Variants in IGSF22 observed in about 807,000 individuals in gnomAD.
IGSF22 encodes immunoglobulin superfamily member 22.
Under a neutral mutation model 127.0 loss-of-function variants are expected in IGSF22, and 119 were observed. The ratio of observed to expected loss-of-function variants is 0.94; its 90% CI spans 0.81 to 1.09. The LOEUF (loss-of-function observed/expected upper bound fraction) is 1.09, where lower values mean the gene tolerates loss of function less well. Among genes scored for constraint, IGSF22 ranks in the 50% least tolerant of loss-of-function variants. The probability of loss-of-function intolerance (pLI) is 0.00; values close to 1 mark genes in which losing one functional copy is unlikely to be tolerated. For missense variants in IGSF22, 1,518 were observed against 1,716.6 expected, an observed-to-expected ratio of 0.88 and a Z score of 2.04; for synonymous variants, 568 against 664.7, an observed-to-expected ratio of 0.85 and a Z score of 2.24.
chr11:18,713,616 T>C (rs575462830), intron 14 of IGSF22, among the ~76,000 whole-genome samples: 1 of 152,324 alleles, frequency 6.6e-6, no homozygotes, highest in African/African-American at 2.4e-5. Flanking sequence ...AAATGGATAC[T>C]AGAAAAAAAA....
At position 18,712,339 on chromosome 11, in the gene IGSF22, G is replaced by C; in HGVS notation, c.2141C>G (p.Ser714Ter). 1 of 1,551,628 alleles carries C rather than the reference G, an allele frequency of 6.4e-7. No homozygotes were observed. The highest frequency in any genetic ancestry group is 8.7e-7 in the Non-Finnish European group (1 of 1,146,978). The change falls in exon 15 of 23, where the codon TCA (serine) becomes TGA (stop). Residue 714 changes from serine to a stop codon, truncating the protein, a stop_gained. Coordinates refer to ENST00000513874, the MANE Select transcript of IGSF22 (RefSeq NM_173588.4). LOFTEE classifies it high-confidence loss of function. ...CCACTTCATGTGCACACAACTACCTGAGAGCTCCAGGAACTCCACCCGGCC... is the reference window on the plus strand; with the variant it reads ...CCACTTCATGTGCACACAACTACCTCAGAGCTCCAGGAACTCCACCCGGCC... The part of the protein sequence containing the change: ...PQGRVEFLEL[S>*]GSCVHMKWKA...
Position 18,707,941 on chromosome 11 carries a change from C to A in IGSF22, c.3143G>T (p.Arg1048Leu). The A allele has an allele frequency of 6.2e-7, 1 of 1,614,180 alleles. No homozygotes were observed. Among genetic ancestry groups the A allele is most frequent in the East Asian group, 2.2e-5 (1 of 44,886 alleles). ...GTTTTTGCTCTTGGTAATTGTCTCT[C>A]GGCCCTTGGTGGGAACGCCATCTTT... ...WQKDGVPTKGRETITKSKNHS... is the reference protein window; with the variant it reads ...WQKDGVPTKGLETITKSKNHS... Residue 1048 changes from arginine (R) to leucine (L), a missense_variant, in exon 20 of 23, where the codon CGA (arginine) becomes CTA (leucine). Coordinates refer to ENST00000513874, the MANE Select transcript of IGSF22 (RefSeq NM_173588.4).
chr11:18,707,453 T>G (rs1281780484), intron 20 of IGSF22: 2 of 528,832 alleles, frequency 3.8e-6, no homozygotes, highest in African/African-American at 3.8e-5. Context: ...CAATGACTAT[T>G]TCGTAGAAAT....
At chr11:18,724,092 C>T in intron 2 of IGSF22, 36 bp downstream of exon 2, 11 of 1,533,422 alleles carry the variant, frequency 7.2e-6, no homozygotes, top group South Asian at 3.4e-5. Context: ...GAATAGCTGC[C>T]CTTCCCGATC....
chr11:18,715,905 C>T (rs1848455210), intron 10 of IGSF22, among the ~76,000 whole-genome samples, 189 bp from the exon 11 acceptor site: 1 of 152,228 alleles, frequency 6.6e-6, no homozygotes, highest in South Asian at 2.1e-4. Context: ...CTGGCCCTGA[C>T]TTGCTAGTTG....
At chr11:18,708,090 C>G (rs576747496) in intron 19 of IGSF22, 94 bp from the exon 20 acceptor site, 2 of 1,542,976 alleles carry the variant, frequency 1.3e-6, no homozygotes, top group Non-Finnish European at 1.8e-6. Context: ...GCCAGGCTGT[C>G]GCACTAGGGG....
chr11:18,708,700 G>C (rs986543461), intron 18 of IGSF22, among the ~76,000 whole-genome samples: 1 of 152,184 alleles, frequency 6.6e-6, no homozygotes, highest in Admixed American at 6.5e-5. Context: ...TTAGTTTATA[G>C]CTTAGATGAT....
chr11:18,710,606 A>G (rs768535626), intron 16 of IGSF22, 49 bp downstream of exon 16: 3 of 1,590,620 alleles, frequency 1.9e-6, no homozygotes, highest in Non-Finnish European at 2.6e-6. Context: ...GGGTCCACTC[A>G]GCAAGACCTC....
chr11:18,719,876 T>G lies in IGSF22; in HGVS notation c.536A>C (p.Lys179Thr). 1 of 1,614,164 alleles carries G rather than the reference T, an allele frequency of 6.2e-7. No homozygotes were observed. The highest frequency in any genetic ancestry group is 8.5e-7 in the Non-Finnish European group (1 of 1,180,030). The change falls in exon 7 of 23, where the codon AAG becomes ACG. Residue 179 changes from lysine to threonine, a missense_variant. Physicochemically the swap from Lys to Thr is moderately conservative, Grantham distance 78 (BLOSUM62 -1). This residue lies in a region of IGSF22 where 1,456 missense variants were observed against 1,644.9 expected (regional missense o/e 0.89). Coordinates refer to ENST00000513874, the MANE Select transcript of IGSF22 (RefSeq NM_173588.4). ...MLKKRAPPAPKKKQKKVANEK... is the reference protein window; with the variant it reads ...MLKKRAPPAPTKKQKKVANEK... ...ATTTGCCACCTTCTTCTGCTTCTTC[T>G]TGGGAGCAGGGGGTGCCCTAGGAGA...
At chr11:18,706,794 C>T in intron 21 of IGSF22, 120 bp downstream of exon 21, 1 of 774,092 alleles carries the variant, frequency 1.3e-6, no homozygotes, top group Non-Finnish European at 2.0e-6. Context: ...CAGATATTAA[C>T]CGTTCTATCT....
intron 20 of IGSF22, 198 bp from the exon 21 acceptor site, chr11:18,707,411 G>A: frequency 1.8e-6 from 1 of 556,178 alleles, no homozygotes. Flanking sequence ...ACTTATCTGA[G>A]ACTTCTTTCC....
Position 18,714,422 on chromosome 11 carries a change from G to A in IGSF22, c.1657-4C>T. 6.2e-7 allele frequency: 1 copy of A among 1,614,020 alleles called. No individual in the cohort carries two copies. The highest frequency in any genetic ancestry group is 8.5e-7 in the Non-Finnish European group (1 of 1,179,872). ...GCATGCCTGGCAAGTCCGTGATCTG[G>A]GGGTCAGGGGTGGGCCTGAGTGTGA... is the stretch of plus-strand genomic sequence containing the variant. On this transcript the variant is annotated splice_region_variant and splice_polypyrimidine_tract_variant and intron_variant, in intron 12 of 22. Coordinates refer to ENST00000513874, the MANE Select transcript of IGSF22 (RefSeq NM_173588.4).
intron 11 of IGSF22, 100 bp from the exon 12 acceptor site, chr11:18,714,724 T>C: frequency 6.9e-7 from 1 of 1,456,430 alleles, no homozygotes; most frequent in Non-Finnish European, 9.2e-7. Context: ...TGGTCAGGGG[T>C]GCTGCGTCAA....
At position 18,705,806 on chromosome 11, in the gene IGSF22, G is replaced by C; in HGVS notation, c.3910+11C>G. 1 of 1,527,252 alleles carries C rather than the reference G, an allele frequency of 6.5e-7. No homozygotes were observed. Among genetic ancestry groups the C allele is most frequent in the Non-Finnish European group, 8.8e-7 (1 of 1,133,070 alleles). The allele number at this position is 1,527,252 out of a possible 1,614,324, so 94.6% of individuals were successfully genotyped here. On this transcript the variant is annotated intron_variant, in intron 22 of 22. Coordinates refer to ENST00000513874, the MANE Select transcript of IGSF22 (RefSeq NM_173588.4). ...CCCCCTCCTCGAGGCCGGACCCCGC[G>C]GCGCCCTCACCATAGACGGTGAGCG...
intron 15 of IGSF22, 107 bp downstream of exon 15, chr11:18,711,975 A>C: frequency 2.1e-6 from 2 of 940,552 alleles, no homozygotes; most frequent in Non-Finnish European, 1.6e-6. Context: ...TGAGACAGCC[A>C]GAGAGATGTT....
intron 17 of IGSF22, 90 bp downstream of exon 17, chr11:18,710,237 C>T (rs939768199): frequency 5.9e-6 from 9 of 1,528,494 alleles, no homozygotes; most frequent in Middle Eastern, 1.7e-4. Flanking sequence ...TGTGATACCT[C>T]GTGTCATACT....
chr11:18,712,922 C>T (rs890963293), intron 14 of IGSF22, among the ~76,000 whole-genome samples: 12 of 152,108 alleles, frequency 7.9e-5, no homozygotes, highest in Admixed American at 2.6e-4. Flanking sequence ...GTGTACGTGG[C>T]GTGTTGAATA....
At position 18,709,695 on chromosome 11, in the gene IGSF22, C is replaced by T. The variant is rs1206680215; in HGVS notation, c.2702-12G>A. The T allele has an allele frequency of 6.2e-7, 1 of 1,610,804 alleles. No individual in the cohort carries two copies. Among genetic ancestry groups the T allele is most frequent in the Admixed American group, 1.7e-5 (1 of 59,806 alleles). ...CAGGCCTGGGGGTTCTGGGGTAGAACAGACATGTAGTCAGCCCCTCCAACT... is the reference window on the plus strand; with the variant it reads ...CAGGCCTGGGGGTTCTGGGGTAGAATAGACATGTAGTCAGCCCCTCCAACT... On this transcript the variant is annotated splice_polypyrimidine_tract_variant and intron_variant, in intron 17 of 22. Coordinates refer to ENST00000513874, the MANE Select transcript of IGSF22 (RefSeq NM_173588.4). This position sits in a 1 kb window ranked among gnomAD's most constrained non-coding sequence, Gnocchi z 4.8.
At chr11:18,719,411 C>A (rs1590453152) in intron 7 of IGSF22, among the ~76,000 whole-genome samples, 1 of 152,140 alleles carries the variant, frequency 6.6e-6, no homozygotes, top group East Asian at 1.9e-4. Context: ...AGGTGATCCA[C>A]CCACCTTGGC....
Sources: allele counts gnomAD v4.1 joint callset (sites outside exome capture counted in the v4.1 genomes callset), GRCh38; gene constraint gnomAD v4.1.1; regional missense constraint gnomAD v4.1.1; non-coding constraint Gnocchi (gnomAD v3.1); transcripts MANE v1.5; gene names NCBI Gene and HGNC (gene_info 2026-07-23, HGNC 2026-07-21).